ANKFY1: variants seen among roughly 807,000 people sequenced by gnomAD.
The protein encoded by ANKFY1 is ankyrin repeat and FYVE domain-containing protein 1.
A neutral mutation model predicts 128.3 loss-of-function variants in ANKFY1; 47 were observed. The ratio of observed to expected loss-of-function variants is 0.37; its 90% confidence interval spans 0.29 to 0.47. The LOEUF is 0.47. Among genes scored for constraint, ANKFY1 ranks in the 20% least tolerant of loss-of-function variants. The probability of loss-of-function intolerance (pLI) is 1.00; values close to 1 mark genes in which losing one functional copy is unlikely to be tolerated. For missense variants in ANKFY1, 1,222 were observed against 1,510.6 expected, an observed-to-expected ratio of 0.81 and a Z score of 3.17; for synonymous variants, 553 against 601.6, an observed-to-expected ratio of 0.92 and a Z score of 1.18.
Position 4,217,118 on chromosome 17 carries a change from T to C in ANKFY1, c.323A>G (p.Asp108Gly), listed in dbSNP as rs376281199. ...LSSTKELDLS[D>G]ANPEVTMTML... ...TGTCATCGTCACCTCAGGATTAGCATCTGGTTAAAGAAAGAGAGAACAACT... is the reference window on the plus strand; with the variant it reads ...TGTCATCGTCACCTCAGGATTAGCACCTGGTTAAAGAAAGAGAGAACAACT... Residue 108 changes from aspartate to glycine, a missense_variant and splice_region_variant, in exon 4 of 25, where the codon GAT becomes GGT. Asp to Gly is a moderately conservative substitution (Grantham distance 94, BLOSUM62 -1). Coordinates refer to ENST00000341657, the MANE Select transcript of ANKFY1 (RefSeq NM_001330063.2). The C allele has an allele frequency of 1.1e-5, 18 of 1,609,298 alleles. No individual in the cohort carries two copies. The highest frequency in any genetic ancestry group is 5.3e-5 in the African/African-American group (4 of 74,820).
chr17:4,260,424 C>A lies in ANKFY1; in HGVS notation c.10+3508G>T, dbSNP rs114949913. ...TTGAGCCCAGGAGTTCAAGACCAGC[C>A]TGGACAACATCACAAAACCCCAACT... On this transcript the variant is annotated intron_variant, in intron 1 of 24. Coordinates refer to ENST00000341657, the MANE Select transcript of ANKFY1 (RefSeq NM_001330063.2). Among the ~76,000 whole-genome samples, 261 of 152,056 alleles carry A rather than the reference C, an allele frequency of 1.7e-3. 2 individuals carry two copies. The highest frequency in any genetic ancestry group is 5.8e-3 in the African/African-American group (239 of 41,484).
At position 4,187,000 on chromosome 17, in the gene ANKFY1, T is replaced by C. The variant is rs555804708; in HGVS notation, c.1471-1954A>G. On this transcript the variant is annotated intron_variant, in intron 11 of 24. Coordinates refer to ENST00000341657, the MANE Select transcript of ANKFY1 (RefSeq NM_001330063.2). ...TTTCCATGGGTTCGCCGCAACTGTT[T>C]TTTTTAAATTCGTATTTCAGTGTCT... 274 of 1,219,830 alleles carry C rather than the reference T, an allele frequency of 2.2e-4. 2 individuals carry two copies. In the African/African-American group the frequency reaches 3.9e-3, roughly 17 times the overall value. The allele number at this position is 1,219,830 out of a possible 1,614,324, so 75.6% of individuals were successfully genotyped here.
At position 4,189,466 on chromosome 17, in the gene ANKFY1, T is replaced by C; in HGVS notation, c.1386A>G (p.Leu462=). The part of the protein sequence containing the change: ...APDTATGNCL[L]QRAAGAGNEA... ...CGTTTCCTGCTCCAGCTGCCCGCTG[T>C]AGTAAACAGTTTCCTAAAAGAAAAT... Residue 462 remains leucine, a synonymous_variant, in exon 11 of 25, where the codon CTA becomes CTG. Transcript: ENST00000341657. The C allele has an allele frequency of 1.9e-6, 3 of 1,583,348 alleles. No homozygotes were observed. Among genetic ancestry groups the C allele is most frequent in the Non-Finnish European group, 2.6e-6 (3 of 1,161,476 alleles).
In ANKFY1 at chr17:4,207,905, T is replaced by C. The variant is rs747965844; in HGVS notation, c.732+28A>G. ...ACAAGTGCATTAGAGTTTCGGGAAA[T>C]GAAGAATGGAAAAGGCAGCTACAGT... is the stretch of plus-strand genomic sequence containing the variant. On this transcript the variant is annotated intron_variant, in intron 6 of 24. Coordinates refer to ENST00000341657, the MANE Select transcript of ANKFY1 (RefSeq NM_001330063.2). The C allele has an allele frequency of 1.1e-5, 17 of 1,543,488 alleles. No individual in the cohort carries two copies. In the Admixed American group the frequency reaches 3.6e-4, roughly 33 times the overall value.
At chr17:4,245,352 C>T (rs1307616239) in intron 1 of ANKFY1, among the ~76,000 whole-genome samples, 2 of 152,068 alleles carry the variant, frequency 1.3e-5, no homozygotes, top group Non-Finnish European at 2.9e-5. Context: ...ACTACAGGTG[C>T]TTACCACCAT....
At chr17:4,239,674 G>A (rs983108249) in intron 2 of ANKFY1, among the ~76,000 whole-genome samples, 2 of 152,084 alleles carry the variant, frequency 1.3e-5, no homozygotes, top group African/African-American at 4.8e-5. Context: ...GAGTAGCTGG[G>A]ATTACAGGCG....
chr17:4,178,786 G>T lies in ANKFY1; in HGVS notation c.2598+71C>A. ...CCATGAGGAGACCTGTTTAGTCGGT[G>T]ACATCTGTCTAGTCTCCAGGTTCCG... On this transcript the variant is annotated intron_variant, in intron 18 of 24. Coordinates refer to ENST00000341657, the MANE Select transcript of ANKFY1 (RefSeq NM_001330063.2). This position sits in a 1 kb window ranked among gnomAD's most constrained non-coding sequence, Gnocchi z 4.1. 1 of 1,439,424 alleles carries T rather than the reference G, an allele frequency of 6.9e-7. No homozygotes were observed. 89.2% of individuals were successfully genotyped at this position (1,439,424 alleles called of 1,614,324 possible).
At chr17:4,218,512 C>A (rs1269741639) in intron 3 of ANKFY1, among the ~76,000 whole-genome samples, 2 of 152,108 alleles carry the variant, frequency 1.3e-5, no homozygotes, top group Non-Finnish European at 2.9e-5. Flanking sequence ...TTTGGGAGGC[C>A]AAGGTGGGCG....
At chr17:4,241,092 C>G (rs1427281404) in intron 2 of ANKFY1, among the ~76,000 whole-genome samples, 1 of 152,174 alleles carries the variant, frequency 6.6e-6, no homozygotes, top group Non-Finnish European at 1.5e-5. Flanking sequence ...CAACTGAGCG[C>G]TTACTATGTG....
Position 4,209,886 on chromosome 17 carries a change from C to A in ANKFY1, c.520G>T (p.Ala174Ser), listed in dbSNP as rs199726452. 1.9e-6 allele frequency: 3 copies of A among 1,614,038 alleles called. No homozygotes were observed. The highest frequency in any genetic ancestry group is 2.5e-6 in the Non-Finnish European group (3 of 1,179,916). The change falls in exon 5 of 25, where the codon GCA (alanine) becomes TCA (serine). Residue 174 changes from alanine (A) to serine (S), a missense_variant. Ala to Ser is a moderately conservative substitution (Grantham distance 99, BLOSUM62 1). Transcript: ENST00000341657. ...AGTGTGCTGGCATTCAGCTCCTCTG[C>A]CGTCTGGTAGAAGCGAATACAGTTC... ...VRNCIRFYQTAEELNASTLMN... is the reference protein window; with the variant it reads ...VRNCIRFYQTSEELNASTLMN...
intron 1 of ANKFY1, among the ~76,000 whole-genome samples, chr17:4,248,127 A>C (rs1168865887): frequency 6.6e-6 from 1 of 152,160 alleles, no homozygotes; most frequent in East Asian, 1.9e-4. Flanking sequence ...ATGGAAAATG[A>C]GACTAATGAT....
chr17:4,220,276 G>C (rs971574130), intron 3 of ANKFY1, among the ~76,000 whole-genome samples: 1 of 152,162 alleles, frequency 6.6e-6, no homozygotes, highest in Non-Finnish European at 1.5e-5. Context: ...TTCTAAGCAG[G>C]CTTTGTAAAT....
Position 4,166,056 on chromosome 17 carries a change from G to A in ANKFY1, c.*1723C>T, listed in dbSNP as rs1465770407. On this transcript the variant is annotated 3_prime_UTR_variant, in exon 25 of 25. Coordinates refer to ENST00000341657, the MANE Select transcript of ANKFY1 (RefSeq NM_001330063.2). ...TTCTGTATGAAATATGTCAGACTGG[G>A]GGACGGGGGATCTCTTCTAATTCAT... The A allele has an allele frequency of 6.6e-6, 1 of 152,150 alleles. No individual in the cohort carries two copies. The highest frequency in any genetic ancestry group is 1.5e-5 in the Non-Finnish European group (1 of 68,022). The allele number at this position is 152,150 out of a possible 1,614,324, so 9.4% of individuals were successfully genotyped here. A position where few individuals can be genotyped will look rare whatever the true frequency, so the allele number is the denominator to read the frequency against.
intron 3 of ANKFY1, among the ~76,000 whole-genome samples, chr17:4,231,326 T>C: frequency 6.6e-6 from 1 of 151,900 alleles, no homozygotes; most frequent in East Asian, 1.9e-4. Flanking sequence ...CAAGAGCCCA[T>C]CTCTATTAAA....
intron 3 of ANKFY1, among the ~76,000 whole-genome samples, chr17:4,224,063 A>C (rs1425573592): frequency 1.3e-5 from 2 of 152,228 alleles, no homozygotes; most frequent in Non-Finnish European, 2.9e-5. Flanking sequence ...ATTTTTTAAA[A>C]CATAGTTACC....
rs1219533198 is a variant in ANKFY1, at chr17:4,172,480, G to C, written c.3139+76C>G. On this transcript the variant is annotated intron_variant, in intron 22 of 24. Coordinates refer to ENST00000341657, the MANE Select transcript of ANKFY1 (RefSeq NM_001330063.2). ...GAGCTGAACGCCCTCAGATAACGACGTGTGCCTGGGCTCTTGCTTTTCCAG... is the reference window on the plus strand; with the variant it reads ...GAGCTGAACGCCCTCAGATAACGACCTGTGCCTGGGCTCTTGCTTTTCCAG... 5 of 1,561,188 alleles carry C rather than the reference G, an allele frequency of 3.2e-6. No homozygotes were observed. The East Asian group carries it at 1.1e-4, about 35-fold the overall frequency.
At position 4,170,734 on chromosome 17, in the gene ANKFY1, C is replaced by G; in HGVS notation, c.3267G>C (p.Gln1089His). 5.0e-6 allele frequency: 8 copies of G among 1,612,256 alleles called. No individual in the cohort carries two copies. The highest frequency in any genetic ancestry group is 6.8e-6 in the Non-Finnish European group (8 of 1,178,998). The change falls in exon 23 of 25, where the codon CAG becomes CAC. Residue 1089 changes from glutamine to histidine, a missense_variant. Transcript: ENST00000341657. ...ACTCACCCAGCAGTCGGAACAGGAG[C>G]TGCTTGGTGGCGACCTGGTAGTTGA... is the stretch of plus-strand genomic sequence containing the variant. ...NIFNYQVATK[Q>H]LLFRLLDMLS...
chr17:4,183,626 C>T (rs2059556559), intron 13 of ANKFY1, 75 bp from the exon 14 acceptor site: 2 of 1,568,760 alleles, frequency 1.3e-6, no homozygotes, highest in East Asian at 2.3e-5. Context: ...ACAGCCAGAC[C>T]CTCTCAGCTT....
intron 3 of ANKFY1, among the ~76,000 whole-genome samples, chr17:4,220,547 T>C (rs957441485): frequency 3.9e-5 from 6 of 152,168 alleles, no homozygotes; most frequent in Non-Finnish European, 7.3e-5. Context: ...AACAAAAACC[T>C]AGATTATCAA....
Sources: allele counts gnomAD v4.1 joint callset (sites outside exome capture counted in the v4.1 genomes callset), GRCh38; gene constraint gnomAD v4.1.1; non-coding constraint Gnocchi (gnomAD v3.1); transcripts MANE v1.5; gene names NCBI Gene and HGNC (gene_info 2026-07-23, HGNC 2026-07-21).